PDIA3: variants seen among roughly 807,000 people sequenced by gnomAD.
PDIA3 encodes the protein protein disulfide-isomerase A3.
A neutral mutation model predicts 56.9 loss-of-function variants in PDIA3; 16 were observed. The ratio of observed to expected loss-of-function variants is 0.28; its 90% confidence interval spans 0.19 to 0.43. The LOEUF (loss-of-function observed/expected upper bound fraction) is 0.43. Among genes scored for constraint, PDIA3 ranks in the 20% least tolerant of loss-of-function variants. The pLI is 1.00. For synonymous variants in PDIA3, 192 were observed against 216.5 expected (o/e 0.89, Z 0.99); for missense variants, 485 against 621.3 (o/e 0.78, Z 2.33).
At position 43,751,608 on chromosome 15, in the gene PDIA3, G is replaced by T. The variant is rs955208766; in HGVS notation, c.168-2216G>T. 23 of 1,304,076 alleles carry T rather than the reference G, an allele frequency of 1.8e-5. No homozygotes were observed. In the Middle Eastern group the frequency reaches 1.9e-3, roughly 109 times the overall value. 80.8% of individuals were successfully genotyped at this position (1,304,076 alleles called of 1,614,324 possible). Reference sequence around the variant, plus strand: ...GTTCCATTCCTGCTGGATTTGAAGAGGAGAGTCTCCTCCAGCCTCATTGAA... The same window carrying T: ...GTTCCATTCCTGCTGGATTTGAAGATGAGAGTCTCCTCCAGCCTCATTGAA... On this transcript the variant is annotated intron_variant, in intron 1 of 12. Transcript: ENST00000300289.
In PDIA3 at chr15:43,746,559, C is replaced by T. The variant is rs768493042; in HGVS notation, c.20C>T (p.Ala7Val). The change falls in exon 1 of 13, where the codon GCG (alanine) becomes GTG (valine). Residue 7 changes from alanine (A) to valine (V), a missense_variant. By Grantham distance (64) the Ala-to-Val change is moderately conservative. Coordinates refer to ENST00000300289, the MANE Select transcript of PDIA3 (RefSeq NM_005313.5). Reference protein sequence around the residue: MRLRRLALFPGVALLLA... With the variant: MRLRRLVLFPGVALLLA... ...GCCGCCATGCGCCTCCGCCGCCTAG[C>T]GCTGTTCCCGGGTGTGGCGCTGCTT... The T allele has an allele frequency of 3.1e-6, 5 of 1,609,572 alleles. No individual in the cohort carries two copies. In the African/African-American group the frequency reaches 4.0e-5, roughly 13 times the overall value.
intron 6 of PDIA3, 51 bp downstream of exon 6, chr15:43,765,617 T>G (rs934294898): frequency 1.7e-6 from 2 of 1,176,434 alleles, no homozygotes; most frequent in Admixed American, 1.8e-5. Flanking sequence ...GATTTTAGTT[T>G]GTTTACCTCA....
intron 9 of PDIA3, 124 bp downstream of exon 9, chr15:43,768,721 G>A (rs1324957739): frequency 1.5e-6 from 1 of 661,642 alleles, no homozygotes; most frequent in Non-Finnish European, 2.6e-6. Context: ...CCTTACTCCC[G>A]AGTCATAAAA....
chr15:43,753,787 C>T (rs747319608), intron 1 of PDIA3, 37 bp from the exon 2 acceptor site: 3 of 1,387,580 alleles, frequency 2.2e-6, no homozygotes, highest in South Asian at 1.2e-5. Context: ...ATTCATAGGA[C>T]TAAACTGAGA....
At chr15:43,762,337 C>T (rs564415235) in intron 4 of PDIA3, among the ~76,000 whole-genome samples, 9 of 152,144 alleles carry the variant, frequency 5.9e-5, no homozygotes, top group African/African-American at 1.9e-4. Flanking sequence ...CATGGAGAAA[C>T]CCTGTCTCTA....
At chr15:43,767,846 C>T (rs1331903239) in intron 8 of PDIA3, among the ~76,000 whole-genome samples, 3 of 151,316 alleles carry the variant, frequency 2.0e-5, no homozygotes, top group African/African-American at 7.3e-5. Flanking sequence ...GTGGCTCACA[C>T]CTATAATCCC....
intron 1 of PDIA3, among the ~76,000 whole-genome samples, chr15:43,753,463 T>C (rs755771765): frequency 6.6e-6 from 1 of 152,236 alleles, no homozygotes; most frequent in Non-Finnish European, 1.5e-5. Context: ...TATTTTGTCC[T>C]TCATTCAGCC....
intron 3 of PDIA3, among the ~76,000 whole-genome samples, chr15:43,760,663 G>A (rs909589600): frequency 3.3e-5 from 5 of 150,898 alleles, no homozygotes; most frequent in Admixed American, 6.6e-5. Context: ...CGAGTAGCTC[G>A]GGACCACAGG....
chr15:43,761,450 C>T lies in PDIA3; in HGVS notation c.391C>T (p.Gln131Ter). The change falls in exon 4 of 13, where the codon CAG (glutamine) becomes TAG (stop). Residue 131 changes from glutamine to a stop codon, truncating the protein, a stop_gained. Coordinates refer to ENST00000300289, the MANE Select transcript of PDIA3 (RefSeq NM_005313.5). LOFTEE classifies it high-confidence loss of function. ...TGGAATTGTCAGCCACTTGAAGAAG[C>T]AGGCAGGACCAGCTTCAGTGCCTCT... The part of the protein sequence containing the change: ...ADGIVSHLKK[Q>*]AGPASVPLRT... The T allele has an allele frequency of 6.3e-7, 1 of 1,597,162 alleles. No homozygotes were observed. Among genetic ancestry groups the T allele is most frequent in the Non-Finnish European group, 8.6e-7 (1 of 1,168,604 alleles).
At chr15:43,758,459 G>T (rs1267610762) in intron 3 of PDIA3, among the ~76,000 whole-genome samples, 3 of 151,938 alleles carry the variant, frequency 2.0e-5, no homozygotes, top group African/African-American at 4.8e-5. Context: ...AGGAGTTTGA[G>T]GCCAGCCAGG....
intron 12 of PDIA3, 130 bp downstream of exon 12, chr15:43,770,710 C>T (rs946681579): frequency 1.4e-6 from 1 of 697,152 alleles, no homozygotes; most frequent in Non-Finnish European, 2.4e-6. Flanking sequence ...CTCTTGTTGC[C>T]TGGGCTGGAG....
intron 5 of PDIA3, among the ~76,000 whole-genome samples, chr15:43,764,201 A>T (rs2086834369): frequency 6.6e-6 from 1 of 152,190 alleles, no homozygotes; most frequent in Non-Finnish European, 1.5e-5. Context: ...AACAATTTGC[A>T]ACCTCCCACG....
chr15:43,767,034 T>C, intron 8 of PDIA3, 124 bp downstream of exon 8: 1 of 880,738 alleles, frequency 1.1e-6, no homozygotes, highest in Non-Finnish European at 1.8e-6. Flanking sequence ...GACCTATGAC[T>C]GTCATTTTTC....
chr15:43,764,484 TCAGA>T (rs1296533281), intron 5 of PDIA3, among the ~76,000 whole-genome samples: 4 of 152,186 alleles, frequency 2.6e-5, no homozygotes, highest in South Asian at 2.1e-4. Context: ...TTTATTTTTT[TCAGA>T]CAGAGTCTCG....
intron 5 of PDIA3, among the ~76,000 whole-genome samples, chr15:43,763,803 T>G (rs1224805085): frequency 2.0e-5 from 3 of 151,746 alleles, no homozygotes; most frequent in African/African-American, 7.3e-5. Context: ...ATCAGAAATA[T>G]TCATAGAGGG....
Position 43,746,695 on chromosome 15 carries a change from C to A in PDIA3, c.156C>A (p.Phe52Leu). Reference sequence around the variant, plus strand: ...CTGCGGGCCTCATGCTCGTCGAGTTCTTCGCCCCCTGGTGAGTCCATTCTG... The same window carrying A: ...CTGCGGGCCTCATGCTCGTCGAGTTATTCGCCCCCTGGTGAGTCCATTCTG... ...TGSAGLMLVE[F>L]FAPWCGHCKR... The change falls in exon 1 of 13, where the codon TTC (phenylalanine) becomes TTA (leucine). Residue 52 changes from phenylalanine (F) to leucine (L), a missense_variant. By Grantham distance (22) the Phe-to-Leu change is conservative. Coordinates refer to ENST00000300289, the MANE Select transcript of PDIA3 (RefSeq NM_005313.5). 1 of 1,612,932 alleles carries A rather than the reference C, an allele frequency of 6.2e-7. No individual in the cohort carries two copies. The highest frequency in any genetic ancestry group is 8.5e-7 in the Non-Finnish European group (1 of 1,179,890).
chr15:43,751,174 T>G (rs2086741803), intron 1 of PDIA3, among the ~76,000 whole-genome samples: 1 of 151,908 alleles, frequency 6.6e-6, no homozygotes, highest in Non-Finnish European at 1.5e-5. Context: ...TTTCTTTACT[T>G]GTAATCCCCA....
At chr15:43,762,700 A>G (rs2086824525) in intron 4 of PDIA3, among the ~76,000 whole-genome samples, 2 of 152,220 alleles carry the variant, frequency 1.3e-5, no homozygotes, top group African/African-American at 4.8e-5. Context: ...ACAAATATAG[A>G]GAAGGAAAAA....
In PDIA3 at chr15:43,766,738, G is replaced by A; in HGVS notation, c.856G>A (p.Val286Met). The A allele has an allele frequency of 6.2e-7, 1 of 1,613,838 alleles. No individual in the cohort carries two copies. The highest frequency in any genetic ancestry group is 8.5e-7 in the Non-Finnish European group (1 of 1,179,798). The change falls in exon 8 of 13, where the codon GTG (valine) becomes ATG (methionine). Residue 286 changes from valine to methionine, a missense_variant. Val to Met is a conservative substitution (Grantham distance 21). Transcript: ENST00000300289. ...SNYWRNRVMM[V>M]AKKFLDAGHK... is the part of the protein sequence containing the mutation. ...TCTTGTTTCCCACAGGGTAATGATG[G>A]TGGCAAAGAAATTCCTGGATGCTGG...
Sources: gnomAD v4.1 joint callset for allele counts (sites outside exome capture counted in the v4.1 genomes callset) on GRCh38, gnomAD v4.1.1 for gene constraint, MANE v1.5 for transcripts, NCBI Gene and HGNC (gene_info 2026-07-23, HGNC 2026-07-21) for gene names.